CPA6: variants seen among roughly 807,000 people sequenced by gnomAD.
The protein encoded by CPA6 is carboxypeptidase A6, also known as carboxypeptidase B.
In CPA6, 58 loss-of-function variants were observed where a neutral mutation model predicts 63.3. That is an observed-to-expected ratio of 0.92 (90% confidence interval 0.74 to 1.14). The LOEUF is 1.14. CPA6 is among the 50% of genes most tolerant of loss of function. The probability of loss-of-function intolerance (pLI) is 0.00; values close to 1 mark genes in which losing one functional copy is unlikely to be tolerated. For missense variants in CPA6, 565 were observed against 526.6 expected (o/e 1.07, Z -0.71); for synonymous variants, 185 against 179.0 (o/e 1.03, Z -0.27).
At chr8:67,550,171 A>G (rs1812909547) in intron 2 of CPA6, among the ~76,000 whole-genome samples, 2 of 152,138 alleles carry the variant, frequency 1.3e-5, no homozygotes, top group South Asian at 4.1e-4. Flanking sequence ...TCCAACAGTT[A>G]GTCTTTCAAC....
intron 2 of CPA6, among the ~76,000 whole-genome samples, chr8:67,584,643 C>T (rs937790466): frequency 1.3e-5 from 2 of 152,286 alleles, no homozygotes; most frequent in East Asian, 3.9e-4. Context: ...AGCAGGAAAA[C>T]TCCTGCTCCG....
intron 5 of CPA6, among the ~76,000 whole-genome samples, chr8:67,508,247 A>G (rs1429553715): frequency 6.6e-6 from 1 of 152,124 alleles, no homozygotes; most frequent in Non-Finnish European, 1.5e-5. Flanking sequence ...CAGATATAAA[A>G]TATTCAGAAG....
At chr8:67,716,531 C>T (rs180903476) in intron 1 of CPA6, among the ~76,000 whole-genome samples, 56 of 151,838 alleles carry the variant, frequency 3.7e-4, no homozygotes, top group Admixed American at 2.6e-3. Flanking sequence ...TCTCTTATGC[C>T]TCAGTCTGTC....
At chr8:67,425,212 T>C (rs181570368) in intron 10 of CPA6, among the ~76,000 whole-genome samples, 2 of 152,322 alleles carry the variant, frequency 1.3e-5, no homozygotes, top group African/African-American at 4.8e-5. Context: ...AAATGTTTCA[T>C]GGAAAAATCT....
At chr8:67,447,934 G>A (rs935531435) in intron 8 of CPA6, among the ~76,000 whole-genome samples, 11 of 152,094 alleles carry the variant, frequency 7.2e-5, no homozygotes, top group Admixed American at 2.6e-4. Context: ...ATAGACGTGT[G>A]CCACCACGCC....
intron 2 of CPA6, among the ~76,000 whole-genome samples, chr8:67,529,116 A>G (rs1587526251): frequency 6.6e-6 from 1 of 152,150 alleles, no homozygotes; most frequent in Middle Eastern, 3.4e-3. Flanking sequence ...CTTCTACTTA[A>G]TGGATCCCAA....
chr8:67,598,226 C>A (rs1814399214), intron 2 of CPA6, among the ~76,000 whole-genome samples: 1 of 152,172 alleles, frequency 6.6e-6, no homozygotes, highest in Non-Finnish European at 1.5e-5. Context: ...GCAAAAGTAG[C>A]TATAAACTTT....
intron 1 of CPA6, among the ~76,000 whole-genome samples, chr8:67,671,169 T>G (rs1441432670): frequency 6.6e-6 from 1 of 152,224 alleles, no homozygotes; most frequent in Non-Finnish European, 1.5e-5. Context: ...TCGTCAGCCT[T>G]GAGAACAATC....
Position 67,432,421 on chromosome 8 carries a change from G to T in CPA6, c.1041+1617C>A, listed in dbSNP as rs146142457. Among the ~76,000 whole-genome samples, 189 of 152,188 alleles carry T rather than the reference G, an allele frequency of 1.2e-3. 1 individual carries two copies. The highest frequency in any genetic ancestry group is 4.4e-3 in the African/African-American group (184 of 41,534). On this transcript the variant is annotated intron_variant, in intron 9 of 10. Coordinates refer to ENST00000297770, the MANE Select transcript of CPA6 (RefSeq NM_020361.5). The stretch of plus-strand genomic sequence containing the variant: ...TGAGCCCCTTCCCCCATACATTGCC[G>T]TATGCTTCTCTTCCATTTGGCGATT...
intron 8 of CPA6, among the ~76,000 whole-genome samples, chr8:67,468,371 T>C (rs1658456558): frequency 6.6e-6 from 1 of 151,668 alleles, no homozygotes; most frequent in Admixed American, 6.6e-5. Context: ...TCACCTGAGG[T>C]CAGGAGTTCG....
intron 2 of CPA6, among the ~76,000 whole-genome samples, chr8:67,541,648 G>A (rs1467682846): frequency 6.6e-6 from 1 of 152,108 alleles, no homozygotes; most frequent in Non-Finnish European, 1.5e-5. Flanking sequence ...CGAAGCTCCC[G>A]GCTGAATAAA....
At chr8:67,556,765 C>G (rs969102261) in intron 2 of CPA6, among the ~76,000 whole-genome samples, 1 of 152,230 alleles carries the variant, frequency 6.6e-6, no homozygotes, top group African/African-American at 2.4e-5. Context: ...TTGTGAATGT[C>G]AAGATCCTCT....
chr8:67,746,043 G>A lies in CPA6; in HGVS notation c.87C>T (p.His29=), dbSNP rs1459367561. 6.2e-7 allele frequency: 1 copy of A among 1,613,720 alleles called. No individual in the cohort carries two copies. Among genetic ancestry groups the A allele is most frequent in the South Asian group, 1.1e-5 (1 of 91,016 alleles). ...CATAGCGGTTGTTATAAAGGTGGCT[G>A]TGCCCCGGTTGCAGAATCTTCAAAA... The part of the protein sequence containing the change: ...WLFLKILQPG[H]SHLYNNRYAG... The change falls in exon 1 of 11, where the codon CAC becomes CAT. Residue 29 remains histidine (H), a synonymous_variant. Coordinates refer to ENST00000297770, the MANE Select transcript of CPA6 (RefSeq NM_020361.5).
intron 2 of CPA6, among the ~76,000 whole-genome samples, chr8:67,553,306 C>G (rs1812990665): frequency 6.6e-6 from 1 of 152,224 alleles, no homozygotes; most frequent in Non-Finnish European, 1.5e-5. Context: ...TACCAAGCAC[C>G]ATGATAACTG....
At position 67,603,480 on chromosome 8, in the gene CPA6, G is replaced by T. The variant is rs1272517330; in HGVS notation, c.192+20696C>A. Among the ~76,000 whole-genome samples the T allele has an allele frequency of 3.9e-5, 6 of 152,264 alleles. No individual in the cohort carries two copies. The East Asian group carries it at 9.6e-4, about 24-fold the overall frequency. On this transcript the variant is annotated intron_variant, in intron 2 of 10. Coordinates refer to ENST00000297770, the MANE Select transcript of CPA6 (RefSeq NM_020361.5). ...GTGGAATGAAGAATGTCATTAAAAG[G>T]AAGACAGGATCTATATGTTTAAAAT...
chr8:67,720,138 G>A (rs1225428650), intron 1 of CPA6, among the ~76,000 whole-genome samples: 1 of 151,742 alleles, frequency 6.6e-6, no homozygotes, highest in Non-Finnish European at 1.5e-5. Context: ...GTCAAAGGGG[G>A]TTTGTTCTCT....
At chr8:67,493,738 G>A (rs1236985269) in intron 6 of CPA6, among the ~76,000 whole-genome samples, 1 of 152,044 alleles carries the variant, frequency 6.6e-6, no homozygotes, top group African/African-American at 2.4e-5. Context: ...CGAATATTGT[G>A]GCTCACTTGG....
intron 6 of CPA6, among the ~76,000 whole-genome samples, chr8:67,489,989 G>T (rs1195558266): frequency 6.6e-6 from 1 of 152,078 alleles, no homozygotes; most frequent in South Asian, 2.1e-4. Context: ...AACAAGCAGG[G>T]TGTCATTGTA....
At chr8:67,667,921 G>C (rs957386657) in intron 1 of CPA6, among the ~76,000 whole-genome samples, 9 of 152,198 alleles carry the variant, frequency 5.9e-5, no homozygotes, top group African/African-American at 1.9e-4. Context: ...GGGCAAAAGC[G>C]AGCTTCTCAA....
Sources: allele counts gnomAD v4.1 joint callset (sites outside exome capture counted in the v4.1 genomes callset), GRCh38; gene constraint gnomAD v4.1.1; transcripts MANE v1.5; gene names NCBI Gene and HGNC (gene_info 2026-07-23, HGNC 2026-07-21).